RNGTT: variants seen among roughly 807,000 people sequenced by gnomAD.
RNGTT encodes RNA guanylyltransferase and 5'-phosphatase.
A neutral mutation model predicts 79.3 loss-of-function variants in RNGTT; 33 were observed. The ratio of observed to expected loss-of-function variants is 0.42; its 90% CI spans 0.32 to 0.56. The LOEUF (loss-of-function observed/expected upper bound fraction) is 0.56. Among genes scored for constraint, RNGTT ranks in the 20% least tolerant of loss-of-function variants. RNGTT has a pLI of 0.17. For synonymous variants in RNGTT, 222 were observed against 235.9 expected (o/e 0.94, Z 0.54); for missense variants, 497 against 739.1 (o/e 0.67, Z 3.80).
chr6:88,872,536 T>C (rs1215327228), intron 8 of RNGTT, among the ~76,000 whole-genome samples: 1 of 152,164 alleles, frequency 6.6e-6, no homozygotes, highest in African/African-American at 2.4e-5. Flanking sequence ...TATCATTGGA[T>C]TGCTTGTAAC....
chr6:88,778,865 C>G (rs900673789), intron 12 of RNGTT, among the ~76,000 whole-genome samples: 5 of 152,074 alleles, frequency 3.3e-5, no homozygotes, highest in Non-Finnish European at 7.4e-5. Context: ...TGTATTGAAG[C>G]ATGAGTAAGT....
intron 4 of RNGTT, among the ~76,000 whole-genome samples, chr6:88,913,230 A>C (rs913414639): frequency 1.4e-5 from 2 of 145,688 alleles, no homozygotes; most frequent in African/African-American, 2.6e-5. Context: ...AAAAAAACAA[A>C]AAAAAAAAAG....
intron 14 of RNGTT, among the ~76,000 whole-genome samples, chr6:88,647,745 A>AAGGGAGAG (rs1214550413): frequency 6.7e-6 from 1 of 148,546 alleles, no homozygotes; most frequent in African/African-American, 2.5e-5. Context: ...GGAAGGGAGG[A>AAGGGAGAG]AGGGAGAGAG....
intron 13 of RNGTT, among the ~76,000 whole-genome samples, chr6:88,754,744 G>A (rs985125003): frequency 7.9e-5 from 12 of 152,198 alleles, no homozygotes; most frequent in East Asian, 3.9e-4. Flanking sequence ...ACTTAAAGGC[G>A]TTCTTAAACC....
chr6:88,949,166 A>T (rs1427129959), intron 1 of RNGTT, among the ~76,000 whole-genome samples: 13 of 144,780 alleles, frequency 9.0e-5, no homozygotes, highest in Non-Finnish European at 1.7e-4. Flanking sequence ...AATGAAAAAA[A>T]AAAAAAAAAA....
At chr6:88,771,155 C>T (rs1778644443) in intron 12 of RNGTT, among the ~76,000 whole-genome samples, 1 of 150,648 alleles carries the variant, frequency 6.6e-6, no homozygotes, top group Non-Finnish European at 1.5e-5. Flanking sequence ...TTTTTGTGAC[C>T]TATTTAAGGA....
At chr6:88,772,493 G>A (rs1162146705) in intron 12 of RNGTT, among the ~76,000 whole-genome samples, 1 of 152,040 alleles carries the variant, frequency 6.6e-6, no homozygotes, top group Non-Finnish European at 1.5e-5. Context: ...AAACTAAAGA[G>A]CTTCTGCACA....
At chr6:88,699,643 C>A (rs1775877810) in intron 13 of RNGTT, among the ~76,000 whole-genome samples, 1 of 152,060 alleles carries the variant, frequency 6.6e-6, no homozygotes, top group Non-Finnish European at 1.5e-5. Context: ...CAGGTCTGGG[C>A]AACAGAGCAA....
At chr6:88,957,628 T>TA (rs150367722) in intron 1 of RNGTT, among the ~76,000 whole-genome samples, 50 of 151,564 alleles carry the variant, frequency 3.3e-4, no homozygotes, top group African/African-American at 9.9e-4. Flanking sequence ...AACAGCTGCA[T>TA]AAAAAAAATA....
At position 88,769,643 on chromosome 6, in the gene RNGTT, A is replaced by G. The variant is rs1778581259; in HGVS notation, c.1439+131T>C. 1.5e-5 allele frequency: 8 copies of G among 522,720 alleles called. No homozygotes were observed. In the East Asian group the frequency reaches 2.4e-4, roughly 15 times the overall value. 32.4% of individuals were successfully genotyped at this position (522,720 alleles called of 1,614,324 possible). ...TGTTGTATAAGTATATATGTAAAAT[A>G]TCTTGTAAAATAAAGTATTTTAGTT... On this transcript the variant is annotated intron_variant, in intron 13 of 15. Coordinates refer to ENST00000369485, the MANE Select transcript of RNGTT (RefSeq NM_003800.5).
At chr6:88,671,150 G>C (rs777406444) in intron 14 of RNGTT, among the ~76,000 whole-genome samples, 1 of 152,134 alleles carries the variant, frequency 6.6e-6, no homozygotes, top group Non-Finnish European at 1.5e-5. Flanking sequence ...AATCAGTAAA[G>C]AGGAAGTCAA....
At chr6:88,811,495 A>C (rs1466112886) in intron 11 of RNGTT, among the ~76,000 whole-genome samples, 1 of 152,200 alleles carries the variant, frequency 6.6e-6, no homozygotes, top group African/African-American at 2.4e-5. Flanking sequence ...GATGTAACCG[A>C]AAACCAAGTT....
chr6:88,651,118 A>AAAC (rs910140320), intron 14 of RNGTT, among the ~76,000 whole-genome samples: 4 of 151,904 alleles, frequency 2.6e-5, no homozygotes, highest in Non-Finnish European at 5.9e-5. Flanking sequence ...GTTAAAAAAA[A>AAAC]AACAACAACA....
At chr6:88,675,418 G>A (rs1475105064) in intron 14 of RNGTT, among the ~76,000 whole-genome samples, 2 of 152,184 alleles carry the variant, frequency 1.3e-5, no homozygotes, top group African/African-American at 4.8e-5. Flanking sequence ...CAGGCCAGGG[G>A]TGGTGGCTCA....
At chr6:88,836,655 T>C (rs1391362741) in intron 11 of RNGTT, among the ~76,000 whole-genome samples, 1 of 151,996 alleles carries the variant, frequency 6.6e-6, no homozygotes, top group African/African-American at 2.4e-5. Context: ...GGCGGGATGA[T>C]TGCTGAAGCC....
intron 14 of RNGTT, among the ~76,000 whole-genome samples, chr6:88,651,120 A>C (rs1021913287): frequency 5.3e-5 from 8 of 151,840 alleles, no homozygotes; most frequent in Admixed American, 2.0e-4. Flanking sequence ...TAAAAAAAAA[A>C]CAACAACAAC....
At chr6:88,646,556 T>G (rs1483891377) in intron 14 of RNGTT, among the ~76,000 whole-genome samples, 1 of 152,182 alleles carries the variant, frequency 6.6e-6, no homozygotes, top group Non-Finnish European at 1.5e-5. Context: ...ATGTTTATTG[T>G]GGCACTACTC....
At chr6:88,651,400 A>C (rs947323667) in intron 14 of RNGTT, among the ~76,000 whole-genome samples, 1 of 152,178 alleles carries the variant, frequency 6.6e-6, no homozygotes, top group East Asian at 1.9e-4. Flanking sequence ...TGGAATGTTT[A>C]AAGTACCTAC....
rs558801762 is a variant in RNGTT, at chr6:88,847,054, T to A, written c.1105-2533A>T. On this transcript the variant is annotated intron_variant, in intron 10 of 15. Transcript: ENST00000369485. ...CAATCTAAACACATATCCTAACAAA[T>A]ACATTAAAAAATGCCTGTTTTTTAA... Among the ~76,000 whole-genome samples, 71 of 152,306 alleles carry A rather than the reference T, an allele frequency of 4.7e-4. No homozygotes were observed. The South Asian group carries it at 0.014, about 30-fold the overall frequency.
Sources: allele counts gnomAD v4.1 joint callset (sites outside exome capture counted in the v4.1 genomes callset), GRCh38; gene constraint gnomAD v4.1.1; transcripts MANE v1.5; gene names NCBI Gene and HGNC (gene_info 2026-07-23, HGNC 2026-07-21).